MPPED2: variants seen among roughly 807,000 people sequenced by gnomAD.
The protein encoded by MPPED2 is metallophosphoesterase MPPED2.
A neutral mutation model predicts 33.0 loss-of-function variants in MPPED2; 5 were observed. The ratio of observed to expected loss-of-function variants is 0.15; its 90% CI spans 0.08 to 0.32. The LOEUF is 0.32. Among genes scored for constraint, MPPED2 ranks in the 10% least tolerant of loss-of-function variants. The probability of loss-of-function intolerance (pLI) is 1.00; values close to 1 mark genes in which losing one functional copy is unlikely to be tolerated. For synonymous variants in MPPED2, 136 were observed against 141.9 expected, an observed-to-expected ratio of 0.96 and a Z score of 0.29; for missense variants, 275 against 372.1, an observed-to-expected ratio of 0.74 and a Z score of 2.15.
intron 3 of MPPED2, among the ~76,000 whole-genome samples, chr11:30,521,754 G>C (rs553250818): frequency 1.3e-5 from 2 of 152,264 alleles, no homozygotes; most frequent in South Asian, 4.1e-4. Flanking sequence ...TTTCCACGTG[G>C]CTACTAGTCT....
At chr11:30,421,290 TG>T (rs1468568461) in intron 4 of MPPED2, among the ~76,000 whole-genome samples, 4 of 152,320 alleles carry the variant, frequency 2.6e-5, no homozygotes, top group Middle Eastern at 3.4e-3. Flanking sequence ...GTTTTATAAG[TG>T]CTCTGTAAAA....
intron 2 of MPPED2, among the ~76,000 whole-genome samples, chr11:30,560,335 A>G (rs941568930): frequency 2.0e-5 from 3 of 151,768 alleles, no homozygotes; most frequent in African/African-American, 4.8e-5. Context: ...TATGTTAACC[A>G]TTTTCTGTGG....
chr11:30,401,610 C>A (rs1031647235), intron 6 of MPPED2, among the ~76,000 whole-genome samples: 1 of 152,184 alleles, frequency 6.6e-6, no homozygotes, highest in Non-Finnish European at 1.5e-5. Context: ...GGAACTATAT[C>A]CATAGATTCA....
Position 30,550,177 on chromosome 11 carries a change from T to A in MPPED2, c.129-14002A>T, listed in dbSNP as rs562568284. Among the ~76,000 whole-genome samples, 3 of 152,242 alleles carry A rather than the reference T, an allele frequency of 2.0e-5. No individual in the cohort carries two copies. The South Asian group carries it at 6.2e-4, about 32-fold the overall frequency. On this transcript the variant is annotated intron_variant, in intron 2 of 6. Transcript: ENST00000358117. ...CGCTGTTCCGTGGAGGCAATGTGAT[T>A]CCTGTAGGAATCTAGGGTGAATGGT...
intron 3 of MPPED2, among the ~76,000 whole-genome samples, chr11:30,503,569 C>T (rs1952669128): frequency 1.3e-5 from 2 of 152,028 alleles, no homozygotes; most frequent in Non-Finnish European, 2.9e-5. Flanking sequence ...CCTATTTACT[C>T]CTGCTAAAAC....
chr11:30,446,850 A>C (rs1169231485), intron 4 of MPPED2, among the ~76,000 whole-genome samples: 1 of 152,206 alleles, frequency 6.6e-6, no homozygotes, highest in Non-Finnish European at 1.5e-5. Flanking sequence ...TTTTATGTCC[A>C]AGTTACCGAT....
chr11:30,474,891 G>T (rs78504667), intron 4 of MPPED2, among the ~76,000 whole-genome samples: 3,588 of 152,178 alleles, frequency 0.024, 72 homozygotes, highest in Admixed American at 0.058. Flanking sequence ...TGCCCCTCTT[G>T]CTTTGCTGCT....
At chr11:30,413,480 C>T (rs995297860) in intron 6 of MPPED2, among the ~76,000 whole-genome samples, 2 of 152,114 alleles carry the variant, frequency 1.3e-5, no homozygotes, top group South Asian at 2.1e-4. Flanking sequence ...AAAGGCAGGT[C>T]GGAGAAAACC....
intron 2 of MPPED2, among the ~76,000 whole-genome samples, chr11:30,554,058 T>C (rs1171909636): frequency 6.6e-6 from 1 of 152,176 alleles, no homozygotes; most frequent in South Asian, 2.1e-4. Context: ...TGGTTTGTCT[T>C]GAGGCAGCCT....
At chr11:30,515,438 C>T (rs1953474097) in intron 3 of MPPED2, among the ~76,000 whole-genome samples, 1 of 152,030 alleles carries the variant, frequency 6.6e-6, no homozygotes, top group Non-Finnish European at 1.5e-5. Context: ...AATGTTTAAC[C>T]ACCTGCCTGA....
chr11:30,505,393 T>C (rs1952776202), intron 3 of MPPED2, among the ~76,000 whole-genome samples: 1 of 152,112 alleles, frequency 6.6e-6, no homozygotes, highest in African/African-American at 2.4e-5. Flanking sequence ...CCCAACCGAG[T>C]ATCTCTAAGT....
chr11:30,430,261 T>C (rs1949017565), intron 4 of MPPED2, among the ~76,000 whole-genome samples: 1 of 152,182 alleles, frequency 6.6e-6, no homozygotes, highest in Non-Finnish European at 1.5e-5. Context: ...CCGTATTTAC[T>C]GAGCACCCGA....
At chr11:30,547,741 G>C (rs537155920) in intron 2 of MPPED2, among the ~76,000 whole-genome samples, 2 of 152,060 alleles carry the variant, frequency 1.3e-5, no homozygotes, top group Non-Finnish European at 2.9e-5. Context: ...ATAAATTCAT[G>C]GTTCTACAAA....
intron 6 of MPPED2, among the ~76,000 whole-genome samples, chr11:30,399,679 T>C (rs1947884282): frequency 6.6e-6 from 1 of 152,196 alleles, no homozygotes; most frequent in East Asian, 1.9e-4. Flanking sequence ...ATGTAGAGTC[T>C]CAGTAAATAA....
intron 6 of MPPED2, among the ~76,000 whole-genome samples, chr11:30,399,906 A>G (rs1288846070): frequency 6.6e-6 from 1 of 152,222 alleles, no homozygotes; most frequent in East Asian, 1.9e-4. Context: ...GACAGCAAAG[A>G]CAGACTGAAA....
intron 3 of MPPED2, among the ~76,000 whole-genome samples, chr11:30,498,977 G>T (rs1190929953): frequency 6.6e-6 from 1 of 152,148 alleles, no homozygotes; most frequent in Admixed American, 6.5e-5. Flanking sequence ...TGTATCTTCT[G>T]CACTTAGTGG....
At chr11:30,448,493 A>G (rs775300118) in intron 4 of MPPED2, among the ~76,000 whole-genome samples, 18 of 151,826 alleles carry the variant, frequency 1.2e-4, no homozygotes, top group Non-Finnish European at 1.9e-4. Context: ...GCTACACACT[A>G]AAGTGTTACG....
At chr11:30,497,888 G>A (rs1404242471) in intron 3 of MPPED2, among the ~76,000 whole-genome samples, 4 of 152,122 alleles carry the variant, frequency 2.6e-5, no homozygotes, top group South Asian at 2.1e-4. Flanking sequence ...ATCTTTTTCC[G>A]AGAATCCAGT....
intron 4 of MPPED2, among the ~76,000 whole-genome samples, chr11:30,455,872 G>A (rs964227855): frequency 3.9e-5 from 6 of 152,212 alleles, no homozygotes; most frequent in African/African-American, 1.2e-4. Context: ...CCTGACAGCC[G>A]TTCTGCTCTG....
Sources: gnomAD v4.1 joint callset for allele counts (sites outside exome capture counted in the v4.1 genomes callset) on GRCh38, gnomAD v4.1.1 for gene constraint, MANE v1.5 for transcripts, NCBI Gene and HGNC (gene_info 2026-07-23, HGNC 2026-07-21) for gene names.